The following APOOL variants were observed in gnomAD, a reference collection of about 807,000 sequenced individuals.
The protein encoded by APOOL is MICOS complex subunit MIC27.
APOOL carries 12 observed loss-of-function variants against 23.1 expected under a neutral mutation model. That is an observed-to-expected ratio of 0.52 (90% CI 0.33 to 0.84). The LOEUF (loss-of-function observed/expected upper bound fraction) is 0.84, where lower values mean the gene tolerates loss of function less well. APOOL is among the 40% of genes least tolerant of loss of function. The pLI, the probability that APOOL is intolerant of heterozygous loss-of-function variation, is 0.02. For missense variants in APOOL, 212 were observed against 199.6 expected (o/e 1.06, Z -0.37); for synonymous variants, 77 against 69.9 (o/e 1.10, Z -0.51).
In APOOL at chrX:85,086,192, T is replaced by C. The variant is rs140833400; in HGVS notation, c.719-1398T>C. Among the ~76,000 whole-genome samples, 642 of 111,184 alleles carry C rather than the reference T, an allele frequency of 5.8e-3. 3 individuals carry two copies. The highest frequency in any genetic ancestry group is 0.02 in the African/African-American group (608 of 30,597). ...TCAGTAACCTTTGACACAGGTTAAA[T>C]TCCTTCCTCCTTCAATCTCTTCACT... On this transcript the variant is annotated intron_variant, in intron 8 of 8. Transcript: ENST00000373173.
At chrX:85,004,070 G>A in intron 1 of APOOL, 143 bp downstream of exon 1, 3 of 762,197 alleles carry the variant, frequency 3.9e-6, no homozygotes, top group Non-Finnish European at 5.9e-6. Context: ...AATCTTTATC[G>A]TTTGAAGCCT....
chrX:85,067,867 T>C lies in APOOL; in HGVS notation c.486+649T>C, dbSNP rs1346934140. ...TTGGGTTATGCATTTTTTCCCCTCT[T>C]TTCCTTCTCCTCTTAATTACCAACA... On this transcript the variant is annotated intron_variant, in intron 6 of 8. Coordinates refer to ENST00000373173, the MANE Select transcript of APOOL (RefSeq NM_198450.6). Among the ~76,000 whole-genome samples the C allele has an allele frequency of 2.7e-5, 3 of 111,367 alleles. No individual in the cohort carries two copies. In the Admixed American group the frequency reaches 2.9e-4, roughly 11 times the overall value.
At chrX:85,050,330 A>G (rs1038969148) in intron 2 of APOOL, among the ~76,000 whole-genome samples, 2 of 111,836 alleles carry the variant, frequency 1.8e-5, no homozygotes, top group Non-Finnish European at 3.8e-5. Flanking sequence ...AAGTATATAT[A>G]CATTGTGGAA....
chrX:85,005,554 T>TTACTTGTC (rs1336706925), intron 1 of APOOL, among the ~76,000 whole-genome samples: 1 of 110,930 alleles, frequency 9.0e-6, no homozygotes, highest in Non-Finnish European at 1.9e-5. Flanking sequence ...TATAGACTAC[T>TTACTTGTC]TACTTGTCTG....
rs189514705 is a variant in APOOL at position 85,053,208 on chromosome X, A to T, written c.241-1136A>T. Among the ~76,000 whole-genome samples the T allele has an allele frequency of 9.0e-5, 10 of 111,022 alleles. No individual in the cohort carries two copies. In the East Asian group the frequency reaches 2.0e-3, roughly 22 times the overall value. ...GAATTCCTTAGCAGAGCTAAGAAAAATTTTTTTTGAAAGATGACTAATTTT... is the reference window on the plus strand; with the variant it reads ...GAATTCCTTAGCAGAGCTAAGAAAATTTTTTTTTGAAAGATGACTAATTTT... On this transcript the variant is annotated intron_variant, in intron 3 of 8. Transcript: ENST00000373173.
intron 2 of APOOL, 149 bp downstream of exon 2, chrX:85,046,699 T>A (rs1922588550): frequency 4.2e-6 from 2 of 476,449 alleles, no homozygotes; most frequent in Non-Finnish European, 7.1e-6. Flanking sequence ...TTATGAAGTA[T>A]CTCAAAAGAC....
intron 5 of APOOL, among the ~76,000 whole-genome samples, chrX:85,065,820 A>G (rs1362538545): frequency 9.0e-6 from 1 of 111,272 alleles, no homozygotes; most frequent in Admixed American, 9.6e-5. Context: ...AAAATAAGAA[A>G]TTTAACTGTA....
At chrX:85,015,176 T>C (rs981223505) in intron 1 of APOOL, among the ~76,000 whole-genome samples, 2 of 111,765 alleles carry the variant, frequency 1.8e-5, no homozygotes, top group Non-Finnish European at 3.8e-5. Flanking sequence ...GAAGTTGTGA[T>C]TGGTTTTTCT....
intron 8 of APOOL, among the ~76,000 whole-genome samples, chrX:85,075,240 C>T (rs1923798991): frequency 9.0e-6 from 1 of 110,518 alleles, no homozygotes. Context: ...GTTATTCAGC[C>T]CTTACCCACA....
chrX:85,007,710 G>C (rs1181582949), intron 1 of APOOL, among the ~76,000 whole-genome samples: 2 of 111,241 alleles, frequency 1.8e-5, no homozygotes, highest in Non-Finnish European at 3.8e-5. Flanking sequence ...TATAATAGTA[G>C]TGTCAAATAA....
chrX:85,067,173 A>C lies in APOOL; in HGVS notation c.441A>C (p.Leu147Phe), dbSNP rs1469712731. 1.7e-6 allele frequency: 2 copies of C among 1,162,469 alleles called. No homozygotes were observed. The highest frequency in any genetic ancestry group is 2.6e-5 in the Admixed American group (1 of 38,944). ...KITYPLGLAT[L>F]GATVCYPVQS... ...CTTATCCTCTGGGACTGGCCACTTTAGGAGCAACTGTTTGCTACCCAGTTC... is the reference window on the plus strand; with the variant it reads ...CTTATCCTCTGGGACTGGCCACTTTCGGAGCAACTGTTTGCTACCCAGTTC... The change falls in exon 6 of 9, where the codon TTA becomes TTC. Residue 147 changes from leucine (L) to phenylalanine (F), a missense_variant. By Grantham distance (22) the Leu-to-Phe change is conservative. Transcript: ENST00000373173.
At position 85,029,641 on chromosome X, in the gene APOOL, C is replaced by T. The variant is rs1602749119; in HGVS notation, c.16-16805C>T. On this transcript the variant is annotated intron_variant, in intron 1 of 8. Transcript: ENST00000373173. ...ATGGAAATTTGTTGTGTAGTATTAT[C>T]AAACAGAATCTATAAGGAACTCAAA... Among the ~76,000 whole-genome samples the T allele has an allele frequency of 2.7e-5, 3 of 111,129 alleles. No homozygotes were observed. The South Asian group carries it at 1.1e-3, about 42-fold the overall frequency.
In APOOL at chrX:85,045,784, G is replaced by A. The variant is rs1602761627; in HGVS notation, c.16-662G>A. On this transcript the variant is annotated intron_variant, in intron 1 of 8. Transcript: ENST00000373173. Reference sequence around the variant, plus strand: ...TTTGCTTTAGATTTAGCAAGAAACAGGTAAAAGGGAATGCATTGGGAAAAT... The same window carrying A: ...TTTGCTTTAGATTTAGCAAGAAACAAGTAAAAGGGAATGCATTGGGAAAAT... Among the ~76,000 whole-genome samples the A allele has an allele frequency of 3.6e-5, 4 of 111,562 alleles. 1 individual carries two copies. The Admixed American group carries it at 3.8e-4, about 11-fold the overall frequency.
chrX:85,048,788 G>C (rs2147645574), intron 2 of APOOL, among the ~76,000 whole-genome samples: 1 of 111,840 alleles, frequency 8.9e-6, no homozygotes, highest in East Asian at 2.8e-4. Context: ...ATCTGTTTTA[G>C]TTCAACTCTT....
At chrX:85,009,051 A>T (rs1256228437) in intron 1 of APOOL, among the ~76,000 whole-genome samples, 1 of 111,374 alleles carries the variant, frequency 9.0e-6, no homozygotes, top group Non-Finnish European at 1.9e-5. Context: ...TTTTGGGTAG[A>T]TCATCTTCGA....
At chrX:85,036,684 T>G (rs1014042691) in intron 1 of APOOL, among the ~76,000 whole-genome samples, 3 of 111,766 alleles carry the variant, frequency 2.7e-5, no homozygotes, top group African/African-American at 9.8e-5. Context: ...GAAGGGTTGT[T>G]GAATTTTATT....
chrX:85,070,729 T>C (rs1923637131), intron 6 of APOOL, among the ~76,000 whole-genome samples: 1 of 110,041 alleles, frequency 9.1e-6, no homozygotes, highest in Non-Finnish European at 1.9e-5. Flanking sequence ...TGACTGAAAG[T>C]TTGTACCCTT....
intron 1 of APOOL, among the ~76,000 whole-genome samples, chrX:85,016,620 G>A (rs894495605): frequency 4.1e-5 from 4 of 98,749 alleles, no homozygotes; most frequent in African/African-American, 1.1e-4. Context: ...TCTAGGCTGC[G>A]TTCCTGTTGG....
At chrX:85,036,447 G>C (rs1922219545) in intron 1 of APOOL, among the ~76,000 whole-genome samples, 1 of 111,119 alleles carries the variant, frequency 9.0e-6, no homozygotes, top group Admixed American at 9.6e-5. Flanking sequence ...TTTCATATTT[G>C]GATCAATTTT....
Sources: allele counts gnomAD v4.1 joint callset (sites outside exome capture counted in the v4.1 genomes callset), GRCh38; gene constraint gnomAD v4.1.1; transcripts MANE v1.5; gene names NCBI Gene and HGNC (gene_info 2026-07-23, HGNC 2026-07-21).